RBPJ: variants seen among roughly 807,000 people sequenced by gnomAD.
RBPJ encodes the protein recombining binding protein suppressor of hairless.
Under a neutral mutation model 67.8 loss-of-function variants are expected in RBPJ, and 9 were observed. That is an observed-to-expected ratio of 0.13 (90% CI 0.08 to 0.23). The LOEUF (loss-of-function observed/expected upper bound fraction) is 0.23, where lower values mean the gene tolerates loss of function less well. Among genes scored for constraint, RBPJ ranks in the 10% least tolerant of loss-of-function variants. The pLI, the probability that RBPJ is intolerant of heterozygous loss-of-function variation, is 1.00. For missense variants in RBPJ, 305 were observed against 595.6 expected, an observed-to-expected ratio of 0.51 and a Z score of 5.08; for synonymous variants, 198 against 203.3, an observed-to-expected ratio of 0.97 and a Z score of 0.22.
chr4:26,387,438 A>T (rs1369071179), intron 2 of RBPJ, among the ~76,000 whole-genome samples: 1 of 152,212 alleles, frequency 6.6e-6, no homozygotes, highest in African/African-American at 2.4e-5. Context: ...TATAATTAAT[A>T]AATGGGGCAA....
At chr4:26,330,098 G>A (rs1248503851) in intron 1 of RBPJ, among the ~76,000 whole-genome samples, 2 of 152,150 alleles carry the variant, frequency 1.3e-5, no homozygotes, top group African/African-American at 4.8e-5. Flanking sequence ...TTCTGAGTAA[G>A]GTGAACAGAT....
At chr4:26,366,282 G>C (rs967566631) in intron 1 of RBPJ, among the ~76,000 whole-genome samples, 1 of 138,778 alleles carries the variant, frequency 7.2e-6, no homozygotes, top group Non-Finnish European at 1.7e-5. Context: ...GTTTTTTTTT[G>C]TTTTGTTTTG....
chr4:26,351,864 A>G (rs1008346262), intron 1 of RBPJ, among the ~76,000 whole-genome samples: 13 of 152,192 alleles, frequency 8.5e-5, no homozygotes, highest in Non-Finnish European at 1.9e-4. Context: ...AGTTTCATAC[A>G]GGTTATGCAG....
intron 1 of RBPJ, among the ~76,000 whole-genome samples, chr4:26,294,831 G>A (rs1002190023): frequency 9.2e-5 from 14 of 151,390 alleles, no homozygotes; most frequent in African/African-American, 2.2e-4. Context: ...AGCTGAGATC[G>A]CGCCATTGCA....
intron 1 of RBPJ, among the ~76,000 whole-genome samples, chr4:26,257,026 C>T (rs16878213): frequency 0.012 from 1,876 of 152,224 alleles, 39 homozygotes; most frequent in African/African-American, 0.043. Context: ...GAATACAAAA[C>T]GATCAGTCCA....
chr4:26,188,549 A>G (rs1717361644), intron 1 of RBPJ, among the ~76,000 whole-genome samples: 1 of 152,200 alleles, frequency 6.6e-6, no homozygotes, highest in Admixed American at 6.5e-5. Flanking sequence ...AAAAATTTTT[A>G]TTTCCATACA....
At chr4:26,415,820 T>A (rs556367437) in intron 4 of RBPJ, among the ~76,000 whole-genome samples, 180 bp downstream of exon 4, 11 of 152,308 alleles carry the variant, frequency 7.2e-5, no homozygotes, top group African/African-American at 2.2e-4. Context: ...CTCATGAAGC[T>A]TACGCTGCTG....
chr4:26,191,497 C>G (rs1283020303), intron 1 of RBPJ, among the ~76,000 whole-genome samples: 1 of 151,822 alleles, frequency 6.6e-6, no homozygotes, highest in Non-Finnish European at 1.5e-5. Context: ...TCATGAGACT[C>G]AGAACATAGT....
chr4:26,337,682 CTTTTT>C (rs386356773), intron 1 of RBPJ, among the ~76,000 whole-genome samples: 2 of 108,030 alleles, frequency 1.9e-5, no homozygotes, highest in Non-Finnish European at 1.8e-5. Flanking sequence ...ATTCTTTATC[CTTTTT>C]TTTTTTTTTT....
chr4:26,165,028 A>G (rs1716213877), intron 1 of RBPJ, among the ~76,000 whole-genome samples: 1 of 152,204 alleles, frequency 6.6e-6, no homozygotes. Flanking sequence ...TTTAGCTAGT[A>G]TAGTATTTAA....
intron 1 of RBPJ, among the ~76,000 whole-genome samples, chr4:26,198,443 A>T (rs77372157): frequency 3.3e-5 from 5 of 152,182 alleles, no homozygotes; most frequent in African/African-American, 7.2e-5. Context: ...AAATAGCAAT[A>T]ATAATTATAG....
chr4:26,223,364 A>G (rs1208231629), intron 1 of RBPJ, among the ~76,000 whole-genome samples: 1 of 152,174 alleles, frequency 6.6e-6, no homozygotes, highest in African/African-American at 2.4e-5. Flanking sequence ...TTTATCAAGG[A>G]CTACAACAGA....
chr4:26,228,960 A>G (rs1389628308), intron 1 of RBPJ, among the ~76,000 whole-genome samples: 1 of 152,212 alleles, frequency 6.6e-6, no homozygotes, highest in Non-Finnish European at 1.5e-5. Context: ...CACAGGGGGA[A>G]TCAGCACTTA....
chr4:26,385,785 ATATAT>A (rs1730852613), intron 1 of RBPJ, among the ~76,000 whole-genome samples: 1 of 149,226 alleles, frequency 6.7e-6, no homozygotes, highest in Non-Finnish European at 1.5e-5. Context: ...TTTTTTTTTA[ATATAT>A]TATTTATTTA....
At chr4:26,208,895 G>A (rs1289026581) in intron 1 of RBPJ, among the ~76,000 whole-genome samples, 1 of 152,102 alleles carries the variant, frequency 6.6e-6, no homozygotes, top group Non-Finnish European at 1.5e-5. Flanking sequence ...TAGGGTGGCA[G>A]GGATAAGATA....
rs116367770 is a variant in RBPJ at position 26,362,800 on chromosome 4, T to C, written c.21-23553T>C. ...ATGGATTTATGGTAGTATTTTTTGTTACAAAAACCCATGGATTTTCTTTTT... is the reference window on the plus strand; with the variant it reads ...ATGGATTTATGGTAGTATTTTTTGTCACAAAAACCCATGGATTTTCTTTTT... On this transcript the variant is annotated intron_variant, in intron 1 of 10. Transcript: ENST00000355476. Among the ~76,000 whole-genome samples the C allele has an allele frequency of 7.2e-3, 1,090 of 152,352 alleles. 12 individuals carry two copies. Among genetic ancestry groups the C allele is most frequent in the African/African-American group, 0.025 (1,046 of 41,586 alleles).
chr4:26,275,698 T>G (rs1234420572), intron 1 of RBPJ, among the ~76,000 whole-genome samples: 1 of 152,146 alleles, frequency 6.6e-6, no homozygotes, highest in East Asian at 1.9e-4. Flanking sequence ...TAGCGCGATC[T>G]CGGCTCACTG....
intron 1 of RBPJ, among the ~76,000 whole-genome samples, chr4:26,376,891 G>C (rs951300693): frequency 2.6e-5 from 4 of 152,156 alleles, no homozygotes; most frequent in Non-Finnish European, 5.9e-5. Context: ...CCTAATTAAT[G>C]AGGTTGAGCA....
In RBPJ at chr4:26,236,873, G is replaced by C. The variant is rs148811792; in HGVS notation, c.-167+73259G>C. ...TAGCTATTATTACAATGGCCCTAAA[G>C]TGCTCAATGCCTGCCTATACTAAGG... is the stretch of plus-strand genomic sequence containing the variant. On this transcript the variant is annotated intron_variant, in intron 1 of 4. Coordinates refer to the RBPJ transcript ENST00000512351. Among the ~76,000 whole-genome samples, 671 of 152,250 alleles carry C rather than the reference G, an allele frequency of 4.4e-3. 2 individuals are homozygous for C. Among genetic ancestry groups the C allele is most frequent in the Non-Finnish European group, 7.0e-3 (479 of 68,004 alleles).
Sources: gnomAD v4.1 joint callset for allele counts (sites outside exome capture counted in the v4.1 genomes callset) on GRCh38, gnomAD v4.1.1 for gene constraint, MANE v1.5 for transcripts, NCBI Gene and HGNC (gene_info 2026-07-23, HGNC 2026-07-21) for gene names.